The following FANK1 variants were observed in gnomAD, a reference collection of about 807,000 sequenced individuals.
FANK1 encodes fibronectin type III and ankyrin repeat domains 1.
A neutral mutation model predicts 45.3 loss-of-function variants in FANK1; 44 were observed. That is an observed-to-expected ratio of 0.97 (90% CI 0.76 to 1.25). The LOEUF (loss-of-function observed/expected upper bound fraction) is 1.25, where lower values mean the gene tolerates loss of function less well. FANK1 is among the 50% of genes most tolerant of loss of function. The pLI is 0.00. For synonymous variants in FANK1, 149 were observed against 152.5 expected (o/e 0.98, Z 0.17); for missense variants, 391 against 424.4 (o/e 0.92, Z 0.69).
intron 1 of FANK1, among the ~76,000 whole-genome samples, chr10:125,915,641 T>A (rs1474922755): frequency 6.6e-6 from 1 of 152,136 alleles, no homozygotes. Flanking sequence ...ATAGACCCTG[T>A]CTCTACAAAA....
chr10:125,978,566 C>T (rs996289670), intron 1 of FANK1, among the ~76,000 whole-genome samples: 7 of 152,106 alleles, frequency 4.6e-5, no homozygotes, highest in East Asian at 1.9e-4. Flanking sequence ...AGTGAGGGAA[C>T]GGGATAGGTA....
Position 125,995,510 on chromosome 10 carries a change from C to CT in FANK1, c.398+13dup. Reference sequence around the variant, plus strand: ...ATACTTCAAGGAGGGTGAGAGAACTCTGTCAGTTGTTTTTTTTCCCCCATG... The same window carrying CT: ...ATACTTCAAGGAGGGTGAGAGAACTCTTGTCAGTTGTTTTTTTTCCCCCATG... On this transcript the variant is annotated intron_variant, in intron 4 of 10. Coordinates refer to ENST00000368693, the MANE Select transcript of FANK1 (RefSeq NM_145235.5). The CT allele has an allele frequency of 1.2e-6, 2 of 1,613,490 alleles. No homozygotes were observed. Among genetic ancestry groups the CT allele is most frequent in the Non-Finnish European group, 1.7e-6 (2 of 1,179,486 alleles).
chr10:125,980,297 A>G lies in FANK1; in HGVS notation c.150A>G (p.Glu50=). ...PQEQWFRFSI[E]EEDPKMHTYG... is the part of the protein sequence containing the mutation. ...AGCAGTGGTTCAGGTTCTCGATTGA[A>G]GAAGAAGACCCCAAAATGCACACTT... Residue 50 remains glutamate (E), a synonymous_variant, in exon 2 of 11, where the codon GAA becomes GAG. Coordinates refer to ENST00000368693, the MANE Select transcript of FANK1 (RefSeq NM_145235.5). 6.5e-7 allele frequency: 1 copy of G among 1,539,174 alleles called. No homozygotes were observed. The highest frequency in any genetic ancestry group is 9.0e-7 in the Non-Finnish European group (1 of 1,114,836).
intron 1 of FANK1, among the ~76,000 whole-genome samples, chr10:125,972,560 ATAAC>A (rs1590112019): frequency 6.6e-6 from 1 of 152,160 alleles, no homozygotes; most frequent in East Asian, 1.9e-4. Context: ...CATTCTGAAA[ATAAC>A]TAGCTCTTAC....
At chr10:125,929,204 G>A (rs929982641) in intron 1 of FANK1, among the ~76,000 whole-genome samples, 6 of 152,186 alleles carry the variant, frequency 3.9e-5, no homozygotes, top group African/African-American at 1.4e-4. Flanking sequence ...GCCCCTGGAT[G>A]GTAGTGGCGA....
At chr10:125,995,569 TCA>T (rs1325175725) in intron 4 of FANK1, 71 bp downstream of exon 4, 89 of 1,434,846 alleles carry the variant, frequency 6.2e-5, no homozygotes, top group Non-Finnish European at 8.6e-5. Context: ...TGCAGTAGTT[TCA>T]TTTTGTTTTC....
intron 1 of FANK1, among the ~76,000 whole-genome samples, chr10:125,900,354 CTT>C (rs59752773): frequency 1.1e-4 from 15 of 139,216 alleles, no homozygotes; most frequent in African/African-American, 1.6e-4. Context: ...GGTTTTTGTC[CTT>C]TTTTTTTTTT....
At chr10:125,995,282 A>G in intron 3 of FANK1, 135 bp from the exon 4 acceptor site, 1 of 740,234 alleles carries the variant, frequency 1.4e-6, no homozygotes. Context: ...TGAGTAGGAA[A>G]TGTAAGATAT....
intron 1 of FANK1, among the ~76,000 whole-genome samples, chr10:125,976,447 A>G (rs1950858798): frequency 6.6e-6 from 1 of 152,198 alleles, no homozygotes; most frequent in African/African-American, 2.4e-5. Context: ...CAGGGATGCC[A>G]GTGATTTGTA....
At chr10:125,952,737 GTTGT>G (rs1045194659) in intron 1 of FANK1, among the ~76,000 whole-genome samples, 1 of 150,572 alleles carries the variant, frequency 6.6e-6, no homozygotes, top group African/African-American at 2.4e-5. Flanking sequence ...TGTTCTGTGA[GTTGT>G]TTGTCTCCCT....
intron 6 of FANK1, among the ~76,000 whole-genome samples, chr10:126,003,925 C>G (rs1397540983): frequency 6.6e-6 from 1 of 152,070 alleles, no homozygotes; most frequent in African/African-American, 2.4e-5. Flanking sequence ...ATCCACCCAC[C>G]TCGGCCTCCA....
chr10:125,923,105 A>T (rs1379743792), intron 1 of FANK1, among the ~76,000 whole-genome samples: 1 of 151,582 alleles, frequency 6.6e-6, no homozygotes, highest in East Asian at 1.9e-4. Flanking sequence ...GATTCAATAT[A>T]TTTAATCTAT....
rs772034140 is a variant in FANK1, at chr10:125,977,474, C to T, written c.14-2687C>T. On this transcript the variant is annotated intron_variant, in intron 1 of 10. Coordinates refer to ENST00000368693, the MANE Select transcript of FANK1 (RefSeq NM_145235.5). The stretch of plus-strand genomic sequence containing the variant: ...GGCTCCCCTGTTTCCTCACAGTTTC[C>T]GTCATGCTCCCTTTCAGTGCTCTGA... Among the ~76,000 whole-genome samples, 3 of 152,252 alleles carry T rather than the reference C, an allele frequency of 2.0e-5. No homozygotes were observed. The East Asian group carries it at 5.8e-4, about 29-fold the overall frequency.
intron 1 of FANK1, among the ~76,000 whole-genome samples, chr10:125,949,556 A>G (rs1440035237): frequency 1.3e-5 from 2 of 150,994 alleles, no homozygotes; most frequent in South Asian, 4.2e-4. Flanking sequence ...CCAACTTACA[A>G]GGGATGTGAA....
intron 1 of FANK1, among the ~76,000 whole-genome samples, chr10:125,965,092 A>C (rs988660825): frequency 6.6e-6 from 1 of 152,172 alleles, no homozygotes; most frequent in African/African-American, 2.4e-5. Context: ...CGGGAGGCAG[A>C]GGTTGTGGCG....
rs370712785 is a variant in FANK1 at position 125,975,370 on chromosome 10, G to A, written c.14-4791G>A. Among the ~76,000 whole-genome samples, 10 of 152,290 alleles carry A rather than the reference G, an allele frequency of 6.6e-5. No individual in the cohort carries two copies. The East Asian group carries it at 1.9e-3, about 29-fold the overall frequency. On this transcript the variant is annotated intron_variant, in intron 1 of 10. Coordinates refer to ENST00000368693, the MANE Select transcript of FANK1 (RefSeq NM_145235.5). ...CCTCTGGGTATATACCCAGTAATGGGATTCCTGGGTCAAATAGCAGTTCTG... is the reference window on the plus strand; with the variant it reads ...CCTCTGGGTATATACCCAGTAATGGAATTCCTGGGTCAAATAGCAGTTCTG...
At position 125,912,345 on chromosome 10, in the gene FANK1, A is replaced by G. The variant is rs147536761; in HGVS notation, c.13+15690A>G. Reference sequence around the variant, plus strand: ...TGAAATAGGAAAGAATGAAAATAACATATATCTACCCCCCTCCTCCTCTTC... The same window carrying G: ...TGAAATAGGAAAGAATGAAAATAACGTATATCTACCCCCCTCCTCCTCTTC... On this transcript the variant is annotated intron_variant, in intron 1 of 10. Coordinates refer to ENST00000368693, the MANE Select transcript of FANK1 (RefSeq NM_145235.5). 4.6e-3 allele frequency among the ~76,000 whole-genome samples: 702 copies of G among 152,288 alleles called. 3 individuals carry two copies. Among genetic ancestry groups the G allele is most frequent in the African/African-American group, 0.016 (647 of 41,576 alleles).
At chr10:125,957,686 G>A (rs565344044) in intron 1 of FANK1, among the ~76,000 whole-genome samples, 8 of 151,844 alleles carry the variant, frequency 5.3e-5, no homozygotes, top group South Asian at 2.1e-4. Context: ...CACCACACCC[G>A]GCTGATTTTT....
At chr10:125,953,357 G>T (rs1188387941) in intron 1 of FANK1, among the ~76,000 whole-genome samples, 2 of 152,126 alleles carry the variant, frequency 1.3e-5, no homozygotes, top group Non-Finnish European at 2.9e-5. Flanking sequence ...TGACTGTCTA[G>T]GGATTTCCAG....
Sources: gnomAD v4.1 joint callset for allele counts (sites outside exome capture counted in the v4.1 genomes callset) on GRCh38, gnomAD v4.1.1 for gene constraint, MANE v1.5 for transcripts, NCBI Gene and HGNC (gene_info 2026-07-23, HGNC 2026-07-21) for gene names.